The following LRMDA variants were observed in gnomAD, a reference collection of about 807,000 sequenced individuals.
LRMDA encodes the protein leucine rich melanocyte differentiation associated.
In LRMDA, 18 loss-of-function variants were observed where a neutral mutation model predicts 29.8. That is an observed-to-expected ratio of 0.60 (90% CI 0.42 to 0.90). The LOEUF (loss-of-function observed/expected upper bound fraction) is 0.90, where lower values mean the gene tolerates loss of function less well. LRMDA is among the 40% of genes least tolerant of loss of function. LRMDA has a pLI of 0.00. For synonymous variants in LRMDA, 125 were observed against 109.4 expected, an observed-to-expected ratio of 1.14 and a Z score of -0.89; for missense variants, 273 against 273.9, an observed-to-expected ratio of 1.00 and a Z score of 0.02.
intron 6 of LRMDA, among the ~76,000 whole-genome samples, chr10:76,541,783 A>T (rs1031608484): frequency 6.6e-6 from 1 of 152,088 alleles, no homozygotes; most frequent in Non-Finnish European, 1.5e-5. Flanking sequence ...TGTAAATGTC[A>T]TGGAACCCCT....
intron 5 of LRMDA, among the ~76,000 whole-genome samples, chr10:76,134,904 A>G (rs1467104087): frequency 6.6e-6 from 1 of 152,252 alleles, no homozygotes; most frequent in African/African-American, 2.4e-5. Context: ...AAATCATGCC[A>G]GAAAAGAAAT....
chr10:76,166,461 C>G (rs1850742278), intron 5 of LRMDA, among the ~76,000 whole-genome samples: 2 of 152,154 alleles, frequency 1.3e-5, no homozygotes, highest in South Asian at 4.1e-4. Context: ...GATCCTCTCC[C>G]TCCTCTCAAC....
chr10:75,562,947 C>G (rs1160192923), intron 2 of LRMDA, among the ~76,000 whole-genome samples: 1 of 152,092 alleles, frequency 6.6e-6, no homozygotes, highest in South Asian at 2.1e-4. Flanking sequence ...ACCTTTCTCT[C>G]TGGCTGCCCT....
chr10:75,950,146 G>T (rs1182948397), intron 2 of LRMDA, among the ~76,000 whole-genome samples: 1 of 152,170 alleles, frequency 6.6e-6, no homozygotes, highest in Non-Finnish European at 1.5e-5. Flanking sequence ...GGAGGCTGGG[G>T]TCACCCCCCT....
chr10:76,331,766 A>G (rs1040116273), intron 6 of LRMDA, among the ~76,000 whole-genome samples: 1 of 152,228 alleles, frequency 6.6e-6, no homozygotes. Context: ...TGACATTTTC[A>G]ACAGAACCCA....
intron 2 of LRMDA, among the ~76,000 whole-genome samples, chr10:75,750,943 A>G (rs1462541160): frequency 6.6e-6 from 1 of 152,148 alleles, no homozygotes; most frequent in African/African-American, 2.4e-5. Flanking sequence ...CAATCTCTGC[A>G]CTTTGGGAGG....
chr10:76,509,795 A>G (rs1173221167), intron 6 of LRMDA, among the ~76,000 whole-genome samples: 1 of 152,158 alleles, frequency 6.6e-6, no homozygotes, highest in African/African-American at 2.4e-5. Flanking sequence ...AGGTCACTGT[A>G]AGCGCAGGGC....
intron 6 of LRMDA, among the ~76,000 whole-genome samples, chr10:76,528,991 C>T (rs898471732): frequency 2.0e-5 from 3 of 152,076 alleles, no homozygotes; most frequent in Admixed American, 6.5e-5. Context: ...ACTGGGTAGC[C>T]GGCCTTACTT....
chr10:75,776,967 A>G (rs1909680), intron 2 of LRMDA, among the ~76,000 whole-genome samples: 3,026 of 152,340 alleles, frequency 0.02, 97 homozygotes, highest in East Asian at 0.13. Context: ...TCATTCTGAT[A>G]TGCTTAAGGA....
chr10:76,445,640 A>T (rs962259933), intron 6 of LRMDA, among the ~76,000 whole-genome samples: 110 of 151,958 alleles, frequency 7.2e-4, no homozygotes, highest in African/African-American at 2.4e-3. Context: ...AACAAACCAG[A>T]TTGGTGAGAC....
intron 5 of LRMDA, among the ~76,000 whole-genome samples, chr10:76,238,351 A>C (rs1200128013): frequency 1.3e-5 from 2 of 151,800 alleles, no homozygotes; most frequent in East Asian, 3.9e-4. Context: ...GACTTTTAGC[A>C]AGATGGCCAA....
intron 2 of LRMDA, among the ~76,000 whole-genome samples, chr10:75,996,534 G>C (rs1384796005): frequency 6.6e-6 from 1 of 152,160 alleles, no homozygotes; most frequent in African/African-American, 2.4e-5. Flanking sequence ...GCTACAAATA[G>C]CCTGGGCTAG....
In LRMDA at chr10:76,286,484, C is replaced by T. The variant is rs117838463; in HGVS notation, c.517-37917C>T. On this transcript the variant is annotated intron_variant, in intron 5 of 6. Coordinates refer to ENST00000611255, the MANE Select transcript of LRMDA (RefSeq NM_001305581.2). ...ATTTCAAGAGGTACGAATATTTTGTCACTGTATCTTAGCAGCTCTGCTGAG... is the reference window on the plus strand; with the variant it reads ...ATTTCAAGAGGTACGAATATTTTGTTACTGTATCTTAGCAGCTCTGCTGAG... 3.2e-3 allele frequency among the ~76,000 whole-genome samples: 489 copies of T among 152,304 alleles called. 23 individuals carry two copies. In the East Asian group the frequency reaches 0.076, roughly 24 times the overall value.
chr10:75,466,719 T>C (rs1844655006), intron 2 of LRMDA, among the ~76,000 whole-genome samples: 1 of 152,084 alleles, frequency 6.6e-6, no homozygotes, highest in South Asian at 2.1e-4. Context: ...ATGTGGCTGA[T>C]CCCTTTGGAC....
chr10:75,541,876 C>G (rs549084520), intron 2 of LRMDA, among the ~76,000 whole-genome samples: 1 of 152,090 alleles, frequency 6.6e-6, no homozygotes, highest in East Asian at 1.9e-4. Flanking sequence ...GGGGACATGT[C>G]TCTCCCCACC....
intron 6 of LRMDA, among the ~76,000 whole-genome samples, chr10:76,367,639 G>C (rs1470111720): frequency 2.6e-5 from 4 of 151,952 alleles, no homozygotes; most frequent in African/African-American, 9.7e-5. Flanking sequence ...CATCAGGCTG[G>C]TCTTGAACTC....
chr10:75,798,849 G>A (rs1843698285), intron 2 of LRMDA, among the ~76,000 whole-genome samples: 1 of 151,912 alleles, frequency 6.6e-6, no homozygotes, highest in Admixed American at 6.6e-5. Context: ...ATGTTTTGAA[G>A]CATCACTATG....
intron 2 of LRMDA, among the ~76,000 whole-genome samples, chr10:75,626,737 A>G (rs1841254614): frequency 6.6e-6 from 1 of 152,136 alleles, no homozygotes; most frequent in Admixed American, 6.6e-5. Context: ...AAAAACATAC[A>G]GTTGTTTATG....
chr10:75,633,914 G>C (rs1479657023), intron 2 of LRMDA, among the ~76,000 whole-genome samples: 1 of 152,148 alleles, frequency 6.6e-6, no homozygotes, highest in Non-Finnish European at 1.5e-5. Context: ...AAACCAAAGA[G>C]TTAAAAAATT....
Sources: allele counts gnomAD v4.1 joint callset (sites outside exome capture counted in the v4.1 genomes callset), GRCh38; gene constraint gnomAD v4.1.1; transcripts MANE v1.5; gene names NCBI Gene and HGNC (gene_info 2026-07-23, HGNC 2026-07-21).